ELP4: variants seen among roughly 807,000 people sequenced by gnomAD.
ELP4 encodes the protein elongator complex protein 4.
A neutral mutation model predicts 48.9 loss-of-function variants in ELP4; 51 were observed. That is an observed-to-expected ratio of 1.04 (90% confidence interval 0.83 to 1.32). The LOEUF (loss-of-function observed/expected upper bound fraction) is 1.32. Ranked by LOEUF, ELP4 falls within the 40% of genes most tolerant of loss-of-function variation. The pLI, the probability that ELP4 is intolerant of heterozygous loss-of-function variation, is 0.00. For synonymous variants in ELP4, 210 were observed against 189.2 expected (o/e 1.11, Z -0.90); for missense variants, 519 against 514.6 (o/e 1.01, Z -0.08).
intron 3 of ELP4, among the ~76,000 whole-genome samples, chr11:31,589,234 A>G (rs1450723089): frequency 1.3e-5 from 2 of 152,150 alleles, no homozygotes; most frequent in Admixed American, 6.6e-5. Context: ...TGTACTTCTT[A>G]CGGTGCTCAT....
intron 7 of ELP4, among the ~76,000 whole-genome samples, chr11:31,644,340 A>T (rs528185240): frequency 2.8e-4 from 42 of 151,842 alleles, no homozygotes; most frequent in African/African-American, 9.9e-4. Flanking sequence ...TAATGCAAAG[A>T]TTATGTTCAA....
chr11:31,695,787 C>T (rs1946390331), intron 9 of ELP4, among the ~76,000 whole-genome samples: 1 of 102,904 alleles, frequency 9.7e-6, no homozygotes, highest in Non-Finnish European at 2.1e-5. Context: ...GCTGTGAATC[C>T]ATCTGATCCT....
chr11:31,765,335 A>C (rs1948021266), intron 9 of ELP4, among the ~76,000 whole-genome samples: 1 of 152,218 alleles, frequency 6.6e-6, no homozygotes, highest in Non-Finnish European at 1.5e-5. Context: ...ATCATCGTGA[A>C]TGTTAGTGAT....
chr11:31,772,415 C>T (rs1033840317), intron 9 of ELP4, among the ~76,000 whole-genome samples: 6 of 152,168 alleles, frequency 3.9e-5, no homozygotes, highest in African/African-American at 1.4e-4. Flanking sequence ...CCAACGCACC[C>T]GGCCTAAATT....
chr11:31,692,715 CAT>C (rs1276553803), intron 9 of ELP4, among the ~76,000 whole-genome samples: 3 of 152,136 alleles, frequency 2.0e-5, no homozygotes, highest in African/African-American at 7.2e-5. Flanking sequence ...CTCATTCACA[CAT>C]GATGTTGCCT....
intron 9 of ELP4, among the ~76,000 whole-genome samples, chr11:31,739,562 C>G (rs1407558512): frequency 6.6e-6 from 1 of 152,014 alleles, no homozygotes; most frequent in African/African-American, 2.4e-5. Context: ...CAATCTAGTA[C>G]TCTTTATAGT....
intron 4 of ELP4, among the ~76,000 whole-genome samples, chr11:31,598,236 G>A (rs1957712092): frequency 6.6e-6 from 1 of 152,032 alleles, no homozygotes; most frequent in African/African-American, 2.4e-5. Context: ...TTACAGGTGT[G>A]AGCCACCGCA....
At chr11:31,755,656 A>C (rs547111345) in intron 9 of ELP4, among the ~76,000 whole-genome samples, 1 of 152,124 alleles carries the variant, frequency 6.6e-6, no homozygotes, top group Admixed American at 6.6e-5. Flanking sequence ...GATGAGGAAA[A>C]ATTGAGGAAT....
chr11:31,526,606 A>G (rs1956299203), intron 2 of ELP4, among the ~76,000 whole-genome samples: 1 of 152,016 alleles, frequency 6.6e-6, no homozygotes, highest in Non-Finnish European at 1.5e-5. Context: ...AAAAAAATAC[A>G]GTTTTATCAG....
At chr11:31,705,395 T>C (rs55676386) in intron 9 of ELP4, among the ~76,000 whole-genome samples, 14,729 of 152,190 alleles carry the variant, frequency 0.097, 1,012 homozygotes, top group Non-Finnish European at 0.14. Flanking sequence ...ACATATGAAT[T>C]TGGGGACTAA....
chr11:31,542,642 AAGG>A (rs1209931060), intron 3 of ELP4, among the ~76,000 whole-genome samples: 2 of 152,292 alleles, frequency 1.3e-5, no homozygotes, highest in East Asian at 3.9e-4. Context: ...GCTTAAAAAC[AAGG>A]CCTGAAGTAA....
chr11:31,729,710 A>C (rs1160146370), intron 9 of ELP4, among the ~76,000 whole-genome samples: 1 of 152,196 alleles, frequency 6.6e-6, no homozygotes, highest in Non-Finnish European at 1.5e-5. Context: ...ATTTTCATCA[A>C]ACAACCAGTT....
chr11:31,636,658 CTT>C (rs1164414987), intron 7 of ELP4, among the ~76,000 whole-genome samples: 1 of 151,786 alleles, frequency 6.6e-6, no homozygotes, highest in African/African-American at 2.4e-5. Context: ...TATAATAAGA[CTT>C]TTGTGAGTAG....
intron 9 of ELP4, among the ~76,000 whole-genome samples, chr11:31,706,736 C>T (rs2134165270): frequency 6.6e-6 from 1 of 151,866 alleles, no homozygotes; most frequent in East Asian, 1.9e-4. Flanking sequence ...TCCCTTCCAC[C>T]TACCCATCCC....
chr11:31,644,077 T>C (rs1945153172), intron 7 of ELP4, among the ~76,000 whole-genome samples: 1 of 151,758 alleles, frequency 6.6e-6, no homozygotes, highest in African/African-American at 2.4e-5. Context: ...ATGTCTTGGC[T>C]ACTATCCAGA....
intron 9 of ELP4, chr11:31,652,028 A>T (rs1166979541): frequency 6.6e-6 from 1 of 151,850 alleles, no homozygotes; most frequent in East Asian, 1.9e-4. Context: ...ATCTTTTATT[A>T]ACCACACAGA....
chr11:31,710,482 A>G (rs1461531983), intron 9 of ELP4, among the ~76,000 whole-genome samples: 1 of 152,082 alleles, frequency 6.6e-6, no homozygotes, highest in Non-Finnish European at 1.5e-5. Flanking sequence ...AAAATCAGCC[A>G]GGCATTGTGG....
intron 9 of ELP4, chr11:31,763,314 A>C: frequency 1.8e-6 from 2 of 1,117,566 alleles, no homozygotes; most frequent in South Asian, 4.2e-5. Flanking sequence ...ACAATTGAGA[A>C]AGAAAATGAG....
intron 3 of ELP4, among the ~76,000 whole-genome samples, chr11:31,549,055 C>G (rs1956788519): frequency 6.6e-6 from 1 of 152,030 alleles, no homozygotes; most frequent in Non-Finnish European, 1.5e-5. Context: ...GTAGGCAATA[C>G]CATTCAGGAC....
Sources: allele counts gnomAD v4.1 joint callset (sites outside exome capture counted in the v4.1 genomes callset), GRCh38; gene constraint gnomAD v4.1.1; transcripts MANE v1.5; gene names NCBI Gene and HGNC (gene_info 2026-07-23, HGNC 2026-07-21).